Variants in HNRNPK observed in about 807,000 individuals in gnomAD.
HNRNPK encodes the protein heterogeneous nuclear ribonucleoprotein K, also known as dC-stretch binding protein.
A neutral mutation model predicts 67.0 loss-of-function variants in HNRNPK; 7 were observed. The ratio of observed to expected loss-of-function variants is 0.10; its 90% CI spans 0.06 to 0.20. The LOEUF (loss-of-function observed/expected upper bound fraction) is 0.20, where lower values mean the gene tolerates loss of function less well. Among genes scored for constraint, HNRNPK ranks in the 10% least tolerant of loss-of-function variants. The pLI, the probability that HNRNPK is intolerant of heterozygous loss-of-function variation, is 1.00. For synonymous variants in HNRNPK, 213 were observed against 193.7 expected (o/e 1.10, Z -0.83); for missense variants, 264 against 606.5 (o/e 0.44, Z 5.93).
At chr9:83,979,948 G>C (rs994652921) in intron 1 of HNRNPK, among the ~76,000 whole-genome samples, 1 of 152,174 alleles carries the variant, frequency 6.6e-6, no homozygotes, top group African/African-American at 2.4e-5. Context: ...CATGCCTCAC[G>C]AATCCCCAAG....
intron 7 of HNRNPK, among the ~76,000 whole-genome samples, chr9:83,974,210 T>C (rs542525506): frequency 6.6e-6 from 1 of 152,252 alleles, no homozygotes; most frequent in Non-Finnish European, 1.5e-5. Flanking sequence ...CTTTTCAACA[T>C]GTTCCCACAA....
chr9:83,972,592 A>G (rs1304394451), intron 10 of HNRNPK, among the ~76,000 whole-genome samples: 2 of 152,236 alleles, frequency 1.3e-5, no homozygotes, highest in African/African-American at 4.8e-5. Flanking sequence ...GCATAGTTAC[A>G]AAGACACAAG....
At chr9:83,977,387 A>C (rs1957119170) in intron 4 of HNRNPK, among the ~76,000 whole-genome samples, 1 of 152,186 alleles carries the variant, frequency 6.6e-6, no homozygotes, top group Admixed American at 6.5e-5. Context: ...ATCAAACAAT[A>C]AACTGCCAAC....
intron 7 of HNRNPK, 61 bp downstream of exon 7, chr9:83,974,456 A>G: frequency 1.2e-6 from 1 of 812,116 alleles, no homozygotes; most frequent in Non-Finnish European, 2.0e-6. Context: ...ACCCCAATAC[A>G]ACATACTTTA....
chr9:83,977,617 G>C, intron 4 of HNRNPK, 72 bp downstream of exon 4: 1 of 868,608 alleles, frequency 1.2e-6, no homozygotes, highest in Non-Finnish European at 1.8e-6. Flanking sequence ...TGACTTTCTA[G>C]AAAGCCAAAC....
intron 10 of HNRNPK, 69 bp downstream of exon 10, chr9:83,972,775 G>A: frequency 8.2e-7 from 1 of 1,217,194 alleles, no homozygotes; most frequent in Non-Finnish European, 1.1e-6. Context: ...ATGCTCTGAA[G>A]CTACTTTTGC....
rs901114995 is a variant in HNRNPK at position 83,969,035 on chromosome 9, C to T, written c.*372G>A. On this transcript the variant is annotated 3_prime_UTR_variant, in exon 17 of 17. Transcript: ENST00000376263. Reference sequence around the variant, plus strand: ...TTGTTACTTTTCCTCCCTGTCCCACCCCCCAAATGTTACAGTGACCACAAA... The same window carrying T: ...TTGTTACTTTTCCTCCCTGTCCCACTCCCCAAATGTTACAGTGACCACAAA... 5.3e-6 allele frequency: 2 copies of T among 376,878 alleles called. No homozygotes were observed. Among genetic ancestry groups the T allele is most frequent in the Middle Eastern group, 7.7e-4 (1 of 1,302 alleles). The allele number at this position is 376,878 out of a possible 1,614,324, so 23.3% of individuals were successfully genotyped here. A position where few individuals can be genotyped will look rare whatever the true frequency, so the allele number is the denominator to read the frequency against.
chr9:83,970,591 G>GAA, intron 15 of HNRNPK, 146 bp downstream of exon 15: 1 of 685,568 alleles, frequency 1.5e-6, no homozygotes, highest in Non-Finnish European at 2.5e-6. Context: ...TCAAACAGCT[G>GAA]AAAACCCAGC....
chr9:83,976,092 CCTAA>C (rs1276069660), intron 5 of HNRNPK, among the ~76,000 whole-genome samples: 3 of 151,984 alleles, frequency 2.0e-5, no homozygotes, highest in South Asian at 2.1e-4. Context: ...CACCAAAAAC[CCTAA>C]CTAATAAGAC....
chr9:83,975,338 G>T, intron 6 of HNRNPK, 124 bp downstream of exon 6: 1 of 896,946 alleles, frequency 1.1e-6, no homozygotes, highest in East Asian at 2.6e-5. Flanking sequence ...GGGAAAATAA[G>T]ACAGAAACTT....
In HNRNPK at chr9:83,978,276, C is replaced by T; in HGVS notation, c.-24G>A. The T allele has an allele frequency of 6.3e-7, 1 of 1,594,724 alleles. No homozygotes were observed. On this transcript the variant is annotated 5_prime_UTR_variant, in exon 3 of 17. Coordinates refer to ENST00000376263, the MANE Select transcript of HNRNPK (RefSeq NM_031263.4). ...ATATTCTTTTATTAAACGGGCACAC[C>T]AATCTGTGGAAAAATAAAGCAGCTA...
Position 83,972,163 on chromosome 9 carries a change from A to G in HNRNPK, c.672T>C (p.Pro224=). Residue 224 remains proline (P), a synonymous_variant, in exon 11 of 17, where the codon CCT becomes CCC. Coordinates refer to ENST00000376263, the MANE Select transcript of HNRNPK (RefSeq NM_031263.4). ...SESPIKGRAQ[P]YDPNFYDETY... is the part of the protein sequence containing the mutation. ...TTTCATCGTAAAAATTGGGATCATA[A>G]GGCTGTGCACGTCCTTTGATGGGAG... 8.1e-6 allele frequency: 13 copies of G among 1,611,414 alleles called. No homozygotes were observed. Among genetic ancestry groups the G allele is most frequent in the Non-Finnish European group, 8.5e-6 (10 of 1,178,466 alleles).
In HNRNPK at chr9:83,968,611, CAT is replaced by C. The variant is rs1165250339; in HGVS notation, c.*794_*795del. The C allele has an allele frequency of 5.2e-5, 8 of 152,692 alleles. No individual in the cohort carries two copies. The highest frequency in any genetic ancestry group is 1.9e-4 in the African/African-American group (8 of 41,546). 9.5% of individuals were successfully genotyped at this position (152,692 alleles called of 1,614,324 possible). On this transcript the variant is annotated 3_prime_UTR_variant, in exon 17 of 17. Coordinates refer to ENST00000376263, the MANE Select transcript of HNRNPK (RefSeq NM_031263.4). ...CCCCACCTTAGTTCTTCACAACTAA[CAT>C]AGAAAATTGTTGAAAAGTAGGGGCA...
Position 83,978,368 on chromosome 9 carries a change from C to A in HNRNPK, c.-28+5G>T. On this transcript the variant is annotated splice_donor_5th_base_variant and intron_variant, in intron 2 of 16. Transcript: ENST00000376263. The stretch of plus-strand genomic sequence containing the variant: ...AAAAAAAAAGACATTGCTTCTAGAA[C>A]GTACCAGTTATTATATATCCTTGCA... 1 of 1,502,414 alleles carries A rather than the reference C, an allele frequency of 6.7e-7. No individual in the cohort carries two copies. The highest frequency in any genetic ancestry group is 8.8e-7 in the Non-Finnish European group (1 of 1,133,096). 93.1% of individuals were successfully genotyped at this position (1,502,414 alleles called of 1,614,324 possible).
At chr9:83,969,518 T>C (rs1564057284) in intron 16 of HNRNPK, 78 bp from the exon 17 acceptor site, 3 of 880,398 alleles carry the variant, frequency 3.4e-6, no homozygotes, top group South Asian at 1.4e-5. Context: ...ACAATTTCAA[T>C]GCTAAATTAA....
At position 83,972,136 on chromosome 9, in the gene HNRNPK, G is replaced by A; in HGVS notation, c.699C>T (p.Thr233=). Residue 233 remains threonine, a synonymous_variant, in exon 11 of 17, where the codon ACC becomes ACT. Transcript: ENST00000376263. ...QPYDPNFYDE[T]YDYGGFTMMF... is the part of the protein sequence containing the mutation. ...TCATTGTAAAACCACCATAATCATA[G>A]GTTTCATCGTAAAAATTGGGATCAT... The A allele has an allele frequency of 6.2e-7, 1 of 1,613,398 alleles. No homozygotes were observed. The highest frequency in any genetic ancestry group is 8.5e-7 in the Non-Finnish European group (1 of 1,179,626).
Position 83,977,833 on chromosome 9 carries a change from A to C in HNRNPK, c.59-47T>G, listed in dbSNP as rs1445118780. On this transcript the variant is annotated intron_variant, in intron 3 of 16. Transcript: ENST00000376263. ...TTCAAAGAAAGCAGCGAAGTCTCCA[A>C]AGTAACTCCATTCTGTTTCAAGAGA... 3.5e-6 allele frequency: 4 copies of C among 1,149,632 alleles called. No individual in the cohort carries two copies. The African/African-American group carries it at 6.1e-5, about 18-fold the overall frequency. The allele number at this position is 1,149,632 out of a possible 1,614,324, so 71.2% of individuals were successfully genotyped here. A position where few individuals can be genotyped will look rare whatever the true frequency, so the allele number is the denominator to read the frequency against.
chr9:83,969,115 C>A lies in HNRNPK; in HGVS notation c.*292G>T. The A allele has an allele frequency of 3.9e-6, 2 of 509,730 alleles. No individual in the cohort carries two copies. The highest frequency in any genetic ancestry group is 3.8e-5 in the Admixed American group (1 of 26,324). 31.6% of individuals were successfully genotyped at this position (509,730 alleles called of 1,614,324 possible). On this transcript the variant is annotated 3_prime_UTR_variant, in exon 17 of 17. Transcript: ENST00000376263. Reference sequence around the variant, plus strand: ...GAATTTTTTAAACCACCAACAATAACGAAAAATAAAATCCACTCACTCTGC... The same window carrying A: ...GAATTTTTTAAACCACCAACAATAAAGAAAAATAAAATCCACTCACTCTGC...
rs1956667497 is a variant in HNRNPK at position 83,968,259 on chromosome 9, A to C, written c.*1148T>G. The C allele has an allele frequency of 6.6e-6, 1 of 152,316 alleles. No homozygotes were observed. The highest frequency in any genetic ancestry group is 1.5e-5 in the Non-Finnish European group (1 of 67,960). 9.4% of individuals were successfully genotyped at this position (152,316 alleles called of 1,614,324 possible). ...CCAAGATACTACACAAAACATCCACAGGAACTTTTTTCATCTTTTTTTTTT... is the reference window on the plus strand; with the variant it reads ...CCAAGATACTACACAAAACATCCACCGGAACTTTTTTCATCTTTTTTTTTT... On this transcript the variant is annotated 3_prime_UTR_variant, in exon 17 of 17. Transcript: ENST00000376263.
Sources: allele counts gnomAD v4.1 joint callset (sites outside exome capture counted in the v4.1 genomes callset), GRCh38; gene constraint gnomAD v4.1.1; transcripts MANE v1.5; gene names NCBI Gene and HGNC (gene_info 2026-07-23, HGNC 2026-07-21).